Variants in PRKG1 observed in about 807,000 individuals in gnomAD.
PRKG1 encodes protein kinase cGMP-dependent 1.
In PRKG1, 35 loss-of-function variants were observed where a neutral mutation model predicts 88.1. The ratio of observed to expected loss-of-function variants is 0.40; its 90% CI spans 0.30 to 0.53. The LOEUF (loss-of-function observed/expected upper bound fraction) is 0.53. Among genes scored for constraint, PRKG1 ranks in the 20% least tolerant of loss-of-function variants. The pLI, the probability that PRKG1 is intolerant of heterozygous loss-of-function variation, is 0.59. For synonymous variants in PRKG1, 303 were observed against 292.5 expected (o/e 1.04, Z -0.37); for missense variants, 540 against 839.8 (o/e 0.64, Z 4.41).
At chr10:51,041,292 G>A (rs1843417917) in intron 1 of PRKG1, among the ~76,000 whole-genome samples, 1 of 152,128 alleles carries the variant, frequency 6.6e-6, no homozygotes, top group Non-Finnish European at 1.5e-5. Flanking sequence ...GGGGACCCCA[G>A]GAGCCTGCTT....
chr10:51,383,699 CTATTCCAG>C (rs559855408), intron 2 of PRKG1, among the ~76,000 whole-genome samples: 199 of 152,252 alleles, frequency 1.3e-3, no homozygotes, highest in African/African-American at 4.4e-3. Flanking sequence ...AACTACTGGC[CTATTCCAG>C]TATTTCTTCT....
intron 4 of PRKG1, among the ~76,000 whole-genome samples, chr10:51,852,237 A>G (rs1371906294): frequency 2.0e-5 from 3 of 150,224 alleles, no homozygotes; most frequent in Non-Finnish European, 3.0e-5. Flanking sequence ...ATACACACAC[A>G]CACACGTCAT....
chr10:51,145,952 A>G (rs1845936793), intron 1 of PRKG1, among the ~76,000 whole-genome samples: 1 of 152,118 alleles, frequency 6.6e-6, no homozygotes, highest in African/African-American at 2.4e-5. Flanking sequence ...GTGGATCACA[A>G]GGTCAGGAGA....
Position 51,125,836 on chromosome 10 carries a change from T to G in PRKG1, c.312-27328T>G, listed in dbSNP as rs993268541. Among the ~76,000 whole-genome samples the G allele has an allele frequency of 4.2e-5, 6 of 142,098 alleles. No homozygotes were observed. In the South Asian group the frequency reaches 1.0e-3, roughly 25 times the overall value. 93.2% of individuals were successfully genotyped at this position (142,098 alleles called of 152,430 possible). ...TTAAAAATTATAAATATGTAATTTATATAATTTAATTATATAATTATAACT... is the reference window on the plus strand; with the variant it reads ...TTAAAAATTATAAATATGTAATTTAGATAATTTAATTATATAATTATAACT... On this transcript the variant is annotated intron_variant, in intron 1 of 17. Coordinates refer to ENST00000373980, the MANE Select transcript of PRKG1 (RefSeq NM_006258.4).
chr10:51,513,082 A>T (rs1483969981), intron 3 of PRKG1, among the ~76,000 whole-genome samples: 2 of 151,666 alleles, frequency 1.3e-5, no homozygotes, highest in Non-Finnish European at 2.9e-5. Flanking sequence ...TTCATTGTAG[A>T]TTCTGGATAT....
intron 3 of PRKG1, among the ~76,000 whole-genome samples, chr10:51,545,383 G>A (rs1842421836): frequency 6.6e-6 from 1 of 152,050 alleles, no homozygotes; most frequent in East Asian, 1.9e-4. Flanking sequence ...GTCCTCATGG[G>A]AATTTGTGAC....
chr10:52,122,317 C>T (rs1203678383), intron 7 of PRKG1, among the ~76,000 whole-genome samples: 2 of 152,204 alleles, frequency 1.3e-5, no homozygotes, highest in Non-Finnish European at 2.9e-5. Flanking sequence ...ACCTAATTAC[C>T]TCTTAATGGT....
At chr10:51,521,400 A>T (rs897093498) in intron 3 of PRKG1, among the ~76,000 whole-genome samples, 5 of 152,196 alleles carry the variant, frequency 3.3e-5, no homozygotes, top group African/African-American at 4.8e-5. Context: ...GTTCCCAAAA[A>T]TGCCTTTCAA....
chr10:51,907,691 T>C (rs1167035817), intron 5 of PRKG1, 121 bp downstream of exon 5: 1 of 774,780 alleles, frequency 1.3e-6, no homozygotes, highest in African/African-American at 1.8e-5. Context: ...TTCTAAGCTC[T>C]GGGATGAGCT....
intron 2 of PRKG1, among the ~76,000 whole-genome samples, chr10:51,298,348 A>AGGTTCTGAGTTGGACCTGT (rs1250392986): frequency 8.5e-5 from 13 of 152,206 alleles, no homozygotes; most frequent in African/African-American, 3.1e-4. Context: ...TGATCTTAAA[A>AGGTTCTGAGTTGGACCTGT]GATTTAGGTT....
chr10:51,591,164 T>C (rs939943474), intron 3 of PRKG1, among the ~76,000 whole-genome samples: 5 of 143,440 alleles, frequency 3.5e-5, no homozygotes, highest in East Asian at 2.1e-4. Flanking sequence ...TGTGTGTGTG[T>C]GCCTGTGTGT....
At chr10:51,709,854 G>A (rs1841698823) in intron 3 of PRKG1, among the ~76,000 whole-genome samples, 1 of 152,160 alleles carries the variant, frequency 6.6e-6, no homozygotes, top group African/African-American at 2.4e-5. Flanking sequence ...GCAGAGATGA[G>A]GGAGGGAAGG....
chr10:51,290,174 A>C (rs1840546249), intron 2 of PRKG1, among the ~76,000 whole-genome samples: 1 of 152,172 alleles, frequency 6.6e-6, no homozygotes, highest in Non-Finnish European at 1.5e-5. Context: ...CAGGAGTTCA[A>C]GGCTAAAGCG....
chr10:51,407,601 A>G (rs1837957601), intron 2 of PRKG1, among the ~76,000 whole-genome samples: 1 of 152,146 alleles, frequency 6.6e-6, no homozygotes, highest in Non-Finnish European at 1.5e-5. Flanking sequence ...TTCTTCTACT[A>G]CCCATTCTGT....
intron 2 of PRKG1, among the ~76,000 whole-genome samples, chr10:51,337,996 A>C (rs186498930): frequency 1.3e-5 from 2 of 152,336 alleles, no homozygotes; most frequent in African/African-American, 4.8e-5. Flanking sequence ...CATGGAATCA[A>C]CTCAAATACC....
At chr10:51,935,206 C>T (rs1842776421) in intron 5 of PRKG1, among the ~76,000 whole-genome samples, 1 of 152,062 alleles carries the variant, frequency 6.6e-6, no homozygotes. Flanking sequence ...GAGTAGGGGA[C>T]ATCAGCTTCT....
At chr10:51,959,488 A>G (rs1843394328) in intron 5 of PRKG1, among the ~76,000 whole-genome samples, 1 of 152,120 alleles carries the variant, frequency 6.6e-6, no homozygotes, top group South Asian at 2.1e-4. Flanking sequence ...CTGGAAGGGT[A>G]AGCATTGCTT....
chr10:52,028,210 T>TTTAAG, intron 5 of PRKG1, among the ~76,000 whole-genome samples: 1 of 152,272 alleles, frequency 6.6e-6, no homozygotes, highest in East Asian at 1.9e-4. Flanking sequence ...CAGACTATAG[T>TTTAAG]TTAAGTTTTT....
In PRKG1 at chr10:51,551,635, T is replaced by G. The variant is rs576132444; in HGVS notation, c.592+83799T>G. The stretch of plus-strand genomic sequence containing the variant: ...GATGGAAGGATTCAATTTAGAAATA[T>G]CCTAGATATTTTGAGAGAATGGCAT... On this transcript the variant is annotated intron_variant, in intron 3 of 17. Transcript: ENST00000373980. 5.9e-5 allele frequency among the ~76,000 whole-genome samples: 9 copies of G among 151,910 alleles called. No individual in the cohort carries two copies. In the East Asian group the frequency reaches 1.7e-3, roughly 29 times the overall value.
Sources: allele counts gnomAD v4.1 joint callset (sites outside exome capture counted in the v4.1 genomes callset), GRCh38; gene constraint gnomAD v4.1.1; transcripts MANE v1.5; gene names NCBI Gene and HGNC (gene_info 2026-07-23, HGNC 2026-07-21).